Variants in INPP4B observed in about 807,000 individuals in gnomAD.
INPP4B encodes the protein inositol polyphosphate 4-phosphatase type II.
In INPP4B, 55 loss-of-function variants were observed where a neutral mutation model predicts 122.5. The observed-to-expected ratio is 0.45, with a 90% CI of 0.36 to 0.56. The LOEUF is 0.56. Among genes scored for constraint, INPP4B ranks in the 20% least tolerant of loss-of-function variants. The probability of loss-of-function intolerance (pLI) is 0.00; values close to 1 mark genes in which losing one functional copy is unlikely to be tolerated. For missense variants in INPP4B, 1,000 were observed against 1,097.7 expected, an observed-to-expected ratio of 0.91 and a Z score of 1.26; for synonymous variants, 403 against 388.7, an observed-to-expected ratio of 1.04 and a Z score of -0.43.
At chr4:142,036,140 T>C (rs336344) in intron 25 of INPP4B, among the ~76,000 whole-genome samples, 5,751 of 152,222 alleles carry the variant, frequency 0.038, 129 homozygotes, top group Middle Eastern at 0.054. Context: ...CCACTTATAA[T>C]TGAAAATGTG....
In INPP4B at chr4:142,759,143, T is replaced by C. The variant is rs114782642; in HGVS notation, c.-253-33242A>G. Among the ~76,000 whole-genome samples, 1,299 of 152,222 alleles carry C rather than the reference T, an allele frequency of 8.5e-3. 26 individuals carry two copies. The highest frequency in any genetic ancestry group is 0.03 in the African/African-American group (1,237 of 41,530). ...GAAAGCAAGTTTCTCAAGAGTTAGT[T>C]TGACTTACTTAAAGCATTTAACTAG... On this transcript the variant is annotated intron_variant, in intron 1 of 25. Transcript: ENST00000262992.
intron 17 of INPP4B, 151 bp downstream of exon 17, chr4:142,160,207 T>C (rs1819406536): frequency 2.2e-6 from 1 of 460,810 alleles, no homozygotes; most frequent in Non-Finnish European, 3.7e-6. Context: ...AAAAAAAAAT[T>C]GCCCCTAAGG....
intron 1 of INPP4B, among the ~76,000 whole-genome samples, chr4:142,743,624 C>A (rs1294968272): frequency 2.0e-5 from 3 of 151,890 alleles, no homozygotes; most frequent in African/African-American, 7.2e-5. Flanking sequence ...CCCCAGGCAG[C>A]CAGCTGAGAA....
intron 11 of INPP4B, among the ~76,000 whole-genome samples, chr4:142,249,810 C>G (rs572661032): frequency 6.6e-6 from 1 of 152,168 alleles, no homozygotes; most frequent in Non-Finnish European, 1.5e-5. Context: ...AAACAAGGTG[C>G]CTCAGTTAGT....
chr4:142,229,922 C>T (rs1460271934), intron 12 of INPP4B, among the ~76,000 whole-genome samples: 4 of 152,092 alleles, frequency 2.6e-5, no homozygotes, highest in Non-Finnish European at 4.4e-5. Context: ...ACTTTTTAAA[C>T]CAAGCCTGAG....
chr4:142,791,839 C>T (rs561394454), intron 1 of INPP4B, among the ~76,000 whole-genome samples: 2 of 152,194 alleles, frequency 1.3e-5, no homozygotes, highest in East Asian at 3.9e-4. Flanking sequence ...AAACTTGCCA[C>T]TGTCATTGAT....
At chr4:142,254,358 G>C (rs1487771513) in intron 11 of INPP4B, among the ~76,000 whole-genome samples, 8 of 124,024 alleles carry the variant, frequency 6.5e-5, no homozygotes, top group Non-Finnish European at 1.4e-4. Flanking sequence ...GATGGAGAAT[G>C]ACTTTCACGA....
intron 2 of INPP4B, among the ~76,000 whole-genome samples, chr4:142,719,482 C>A (rs1476656609): frequency 6.6e-6 from 1 of 151,730 alleles, no homozygotes; most frequent in Non-Finnish European, 1.5e-5. Context: ...CCGTCACATG[C>A]CCAGCTAATT....
chr4:142,450,095 C>T (rs559767313), intron 3 of INPP4B, among the ~76,000 whole-genome samples: 9 of 152,240 alleles, frequency 5.9e-5, no homozygotes, highest in Non-Finnish European at 1.2e-4. Context: ...AGAGCAGCCC[C>T]GACCCAGCCT....
intron 2 of INPP4B, among the ~76,000 whole-genome samples, chr4:142,522,909 G>C (rs968411814): frequency 6.6e-6 from 1 of 152,014 alleles, no homozygotes; most frequent in Non-Finnish European, 1.5e-5. Flanking sequence ...GCATGTAAAG[G>C]GTGTTCAAAA....
intron 1 of INPP4B, among the ~76,000 whole-genome samples, chr4:142,772,781 A>T (rs1369003897): frequency 6.6e-6 from 1 of 152,184 alleles, no homozygotes; most frequent in Middle Eastern, 3.2e-3. Flanking sequence ...GTGGTGGCAC[A>T]CGCCTGTAAT....
intron 7 of INPP4B, among the ~76,000 whole-genome samples, chr4:142,401,309 T>G (rs1162397006): frequency 6.6e-6 from 1 of 152,228 alleles, no homozygotes; most frequent in East Asian, 1.9e-4. Flanking sequence ...TGGGCATAAT[T>G]TATCAAAGCT....
chr4:142,409,740 C>T (rs1804219406), intron 5 of INPP4B, among the ~76,000 whole-genome samples: 1 of 152,166 alleles, frequency 6.6e-6, no homozygotes, highest in Non-Finnish European at 1.5e-5. Flanking sequence ...TCCCCAGTCA[C>T]TGTGCAGGTG....
chr4:142,708,369 G>A (rs1471202979), intron 2 of INPP4B, among the ~76,000 whole-genome samples: 2 of 152,156 alleles, frequency 1.3e-5, no homozygotes, highest in Non-Finnish European at 1.5e-5. Flanking sequence ...AATGTTAATA[G>A]CCCAGACAAT....
intron 21 of INPP4B, among the ~76,000 whole-genome samples, chr4:142,119,159 A>T (rs1203041493): frequency 7.2e-5 from 11 of 152,186 alleles, no homozygotes; most frequent in Non-Finnish European, 1.6e-4. Flanking sequence ...GGTGCTGGAG[A>T]GGATGTGGGG....
In INPP4B at chr4:142,027,484, T is replaced by C. The variant is rs769064938; in HGVS notation, c.*1298A>G. ...AAAATTTGGAGAAAAGTTTCATTCG[T>C]TCAGACTTTTGTACTCTTAGTTTCA... On this transcript the variant is annotated 3_prime_UTR_variant, in exon 26 of 26. Coordinates refer to ENST00000262992, the MANE Select transcript of INPP4B (RefSeq NM_001101669.3). 6.6e-6 allele frequency: 1 copy of C among 152,222 alleles called. No individual in the cohort carries two copies. The highest frequency in any genetic ancestry group is 1.5e-5 in the Non-Finnish European group (1 of 68,034). 9.4% of individuals were successfully genotyped at this position (152,222 alleles called of 1,614,324 possible). A position where few individuals can be genotyped will look rare whatever the true frequency, so the allele number is the denominator to read the frequency against.
intron 2 of INPP4B, among the ~76,000 whole-genome samples, chr4:142,632,945 A>T (rs1748300444): frequency 6.6e-6 from 1 of 151,810 alleles, no homozygotes; most frequent in African/African-American, 2.4e-5. Flanking sequence ...AATAATAAAC[A>T]TAAACAGGTT....
Position 142,162,666 on chromosome 4 carries a change from C to T in INPP4B, c.1360-2105G>A, listed in dbSNP as rs375692311. Among the ~76,000 whole-genome samples, 4 of 151,936 alleles carry T rather than the reference C, an allele frequency of 2.6e-5. No individual in the cohort carries two copies. The East Asian group carries it at 7.8e-4, about 30-fold the overall frequency. The stretch of plus-strand genomic sequence containing the variant: ...CTTCTCTAGCACTTGTAATCACTAT[C>T]AATTTCTTTCCCTCACATGCACATG... On this transcript the variant is annotated intron_variant, in intron 16 of 25. Coordinates refer to ENST00000262992, the MANE Select transcript of INPP4B (RefSeq NM_001101669.3).
At chr4:142,629,469 T>A (rs776517375) in intron 2 of INPP4B, among the ~76,000 whole-genome samples, 12 of 151,962 alleles carry the variant, frequency 7.9e-5, no homozygotes, top group Admixed American at 3.9e-4. Flanking sequence ...TATTTCTAGA[T>A]GAGATGAAGG....
Sources: allele counts gnomAD v4.1 joint callset (sites outside exome capture counted in the v4.1 genomes callset), GRCh38; gene constraint gnomAD v4.1.1; transcripts MANE v1.5; gene names NCBI Gene and HGNC (gene_info 2026-07-23, HGNC 2026-07-21).